ALK: variants seen among roughly 807,000 people sequenced by gnomAD.
ALK encodes the protein ALK tyrosine kinase receptor.
Under a neutral mutation model 163.1 loss-of-function variants are expected in ALK, and 74 were observed. That is an observed-to-expected ratio of 0.45 (90% confidence interval 0.38 to 0.55). The LOEUF (loss-of-function observed/expected upper bound fraction) is 0.55. Ranked by LOEUF, ALK falls within the 20% of genes least tolerant of loss-of-function variation. The pLI, the probability that ALK is intolerant of heterozygous loss-of-function variation, is 0.00. For synonymous variants in ALK, 960 were observed against 843.2 expected (o/e 1.14, Z -2.40); for missense variants, 2,063 against 2,105.3 (o/e 0.98, Z 0.39).
intron 4 of ALK, among the ~76,000 whole-genome samples, chr2:29,420,930 A>T (rs1670000951): frequency 6.6e-6 from 1 of 151,528 alleles, no homozygotes; most frequent in Admixed American, 6.6e-5. Context: ...CCACTTTGTG[A>T]TTACATGCTC....
chr2:29,234,690 C>T (rs116804444), intron 13 of ALK, among the ~76,000 whole-genome samples: 2,746 of 152,198 alleles, frequency 0.018, 93 homozygotes, highest in African/African-American at 0.063. Context: ...ATTTACTGAG[C>T]GTAGTACAAG....
intron 4 of ALK, among the ~76,000 whole-genome samples, chr2:29,395,796 G>A (rs888280363): frequency 1.3e-5 from 2 of 152,184 alleles, no homozygotes; most frequent in African/African-American, 4.8e-5. Flanking sequence ...AGACCAAGAA[G>A]AATCCAACAG....
chr2:29,308,933 G>T (rs963087468), intron 8 of ALK, among the ~76,000 whole-genome samples: 3 of 151,754 alleles, frequency 2.0e-5, no homozygotes, highest in Non-Finnish European at 4.4e-5. Context: ...TAATCTTCTG[G>T]GTTCCCTAGA....
At chr2:29,607,451 A>G (rs1446223795) in intron 3 of ALK, among the ~76,000 whole-genome samples, 2 of 152,166 alleles carry the variant, frequency 1.3e-5, no homozygotes, top group African/African-American at 4.8e-5. Flanking sequence ...AGCACTGTCA[A>G]TATACATTTC....
intron 11 of ALK, among the ~76,000 whole-genome samples, chr2:29,265,344 TGA>T (rs1665194622): frequency 1.3e-5 from 2 of 152,202 alleles, no homozygotes; most frequent in African/African-American, 4.8e-5. Flanking sequence ...AGAAAACACG[TGA>T]GTCCTACTCC....
At chr2:29,477,953 C>G (rs781499327) in intron 4 of ALK, among the ~76,000 whole-genome samples, 1 of 152,168 alleles carries the variant, frequency 6.6e-6, no homozygotes, top group Non-Finnish European at 1.5e-5. Flanking sequence ...GCAGATAACA[C>G]GTTGATTTTA....
At chr2:29,429,597 A>T in intron 4 of ALK, among the ~76,000 whole-genome samples, 1 of 152,076 alleles carries the variant, frequency 6.6e-6, no homozygotes, top group Non-Finnish European at 1.5e-5. Flanking sequence ...TAAATAAATG[A>T]AAAAACATCC....
chr2:29,452,710 C>A (rs1230865317), intron 4 of ALK, among the ~76,000 whole-genome samples: 1 of 152,188 alleles, frequency 6.6e-6, no homozygotes, highest in Non-Finnish European at 1.5e-5. Context: ...CACCTCTCCA[C>A]ACGTTAACTT....
chr2:29,657,994 G>A (rs941932119), intron 3 of ALK, among the ~76,000 whole-genome samples: 2 of 152,144 alleles, frequency 1.3e-5, no homozygotes, highest in African/African-American at 2.4e-5. Context: ...CAGCTGGAGG[G>A]ATGGTGGGTG....
intron 5 of ALK, among the ~76,000 whole-genome samples, chr2:29,376,225 T>C (rs984207990): frequency 1.3e-5 from 2 of 152,350 alleles, no homozygotes; most frequent in South Asian, 2.1e-4. Flanking sequence ...CTGACCAAAA[T>C]TGGCCAGAAG....
intron 9 of ALK, among the ~76,000 whole-genome samples, chr2:29,293,728 A>G (rs866706348): frequency 1.3e-5 from 2 of 152,342 alleles, no homozygotes; most frequent in South Asian, 4.1e-4. Context: ...TGGTGAAACT[A>G]GCGCTGGACA....
Position 29,277,251 on chromosome 2 carries a change from C to A in ALK, c.1818-1755G>T, listed in dbSNP as rs72852079. ...TTGCAGTGAGGCAGCAAAGCTTTAGCCAGTGGGTAAACTACAGCAGGGGTT... is the reference window on the plus strand; with the variant it reads ...TTGCAGTGAGGCAGCAAAGCTTTAGACAGTGGGTAAACTACAGCAGGGGTT... On this transcript the variant is annotated intron_variant, in intron 9 of 28. Coordinates refer to ENST00000389048, the MANE Select transcript of ALK (RefSeq NM_004304.5). Among the ~76,000 whole-genome samples, 557 of 152,278 alleles carry A rather than the reference C, an allele frequency of 3.7e-3. 3 individuals carry two copies. Among genetic ancestry groups the A allele is most frequent in the African/African-American group, 0.012 (498 of 41,554 alleles).
At chr2:29,273,305 G>A (rs1205495185) in intron 11 of ALK, among the ~76,000 whole-genome samples, 1 of 152,234 alleles carries the variant, frequency 6.6e-6, no homozygotes, top group Non-Finnish European at 1.5e-5. Context: ...AGTCTGCCTG[G>A]ACCCATAGGC....
chr2:29,455,891 G>A (rs1381534412), intron 4 of ALK, among the ~76,000 whole-genome samples: 1 of 152,112 alleles, frequency 6.6e-6, no homozygotes, highest in Non-Finnish European at 1.5e-5. Context: ...TCTCTACTCT[G>A]TGGTTTTCCC....
chr2:29,803,968 T>A (rs1477269101), intron 1 of ALK, among the ~76,000 whole-genome samples: 2 of 152,122 alleles, frequency 1.3e-5, no homozygotes, highest in Middle Eastern at 3.2e-3. Flanking sequence ...AATAGATAAG[T>A]AAGATGGGAG....
intron 4 of ALK, among the ~76,000 whole-genome samples, chr2:29,435,722 G>T (rs923974661): frequency 6.6e-6 from 1 of 151,962 alleles, no homozygotes; most frequent in Non-Finnish European, 1.5e-5. Flanking sequence ...TATGACTGAG[G>T]AACTGTGACA....
At chr2:29,633,182 G>A (rs1054244993) in intron 3 of ALK, among the ~76,000 whole-genome samples, 1 of 150,732 alleles carries the variant, frequency 6.6e-6, no homozygotes, top group South Asian at 2.1e-4. Context: ...ATCCTCATAG[G>A]CTGAATGACC....
chr2:29,335,696 G>A (rs1005879545), intron 5 of ALK, among the ~76,000 whole-genome samples: 7 of 152,158 alleles, frequency 4.6e-5, no homozygotes, highest in African/African-American at 1.7e-4. Context: ...TATTTTTGAT[G>A]TTCAGGCCAA....
intron 3 of ALK, chr2:29,680,900 G>C (rs1197544927): frequency 4.6e-5 from 7 of 151,982 alleles, no homozygotes; most frequent in Non-Finnish European, 7.4e-5. Context: ...TGTTAGTTTT[G>C]TTTCTTCATT....
Sources: allele counts gnomAD v4.1 joint callset (sites outside exome capture counted in the v4.1 genomes callset), GRCh38; gene constraint gnomAD v4.1.1; transcripts MANE v1.5; gene names NCBI Gene and HGNC (gene_info 2026-07-23, HGNC 2026-07-21).